Variants in PDZD2 observed in about 807,000 individuals in gnomAD.
PDZD2 encodes the protein PDZ domain containing 2.
Under a neutral mutation model 220.7 loss-of-function variants are expected in PDZD2, and 90 were observed. The observed-to-expected ratio is 0.41, with a 90% CI of 0.34 to 0.49. The LOEUF (loss-of-function observed/expected upper bound fraction) is 0.49. Among genes scored for constraint, PDZD2 ranks in the 20% least tolerant of loss-of-function variants. The pLI, the probability that PDZD2 is intolerant of heterozygous loss-of-function variation, is 0.28. For missense variants in PDZD2, 3,174 were observed against 3,608.5 expected, an observed-to-expected ratio of 0.88 and a Z score of 3.08; for synonymous variants, 1,375 against 1,450.5, an observed-to-expected ratio of 0.95 and a Z score of 1.18.
At chr5:31,701,174 G>T (rs1747592355) in intron 1 of PDZD2, among the ~76,000 whole-genome samples, 1 of 150,784 alleles carries the variant, frequency 6.6e-6, no homozygotes, top group Non-Finnish European at 1.5e-5. Flanking sequence ...ATTTTATATG[G>T]AAAGGGGGCA....
intron 19 of PDZD2, among the ~76,000 whole-genome samples, chr5:32,078,897 A>C (rs1009441165): frequency 1.3e-5 from 2 of 152,024 alleles, no homozygotes; most frequent in African/African-American, 4.8e-5. Context: ...ATTGTAAAAC[A>C]TGATTTTTAA....
At chr5:31,941,721 G>A (rs1413707947) in intron 2 of PDZD2, among the ~76,000 whole-genome samples, 4 of 152,348 alleles carry the variant, frequency 2.6e-5, no homozygotes, top group African/African-American at 7.2e-5. Context: ...TCATACTGCT[G>A]AGACATTAGA....
intron 2 of PDZD2, among the ~76,000 whole-genome samples, chr5:31,982,882 C>T (rs534662664): frequency 6.6e-5 from 10 of 152,264 alleles, no homozygotes; most frequent in African/African-American, 2.4e-4. Flanking sequence ...CTAGAAAAAT[C>T]CTTCTCCAAC....
intron 2 of PDZD2, among the ~76,000 whole-genome samples, chr5:31,854,691 G>C (rs1316157353): frequency 6.6e-6 from 1 of 152,142 alleles, no homozygotes; most frequent in Non-Finnish European, 1.5e-5. Context: ...TTTGCCCCAG[G>C]AAGCTCCTGA....
chr5:32,016,599 G>A (rs556566349), intron 6 of PDZD2, among the ~76,000 whole-genome samples: 167 of 152,250 alleles, frequency 1.1e-3, no homozygotes, highest in African/African-American at 3.9e-3. Context: ...AGGATAGAGG[G>A]TTACCACTTA....
intron 7 of PDZD2, among the ~76,000 whole-genome samples, chr5:32,044,146 C>T (rs1422435216): frequency 3.3e-5 from 5 of 151,662 alleles, no homozygotes; most frequent in Admixed American, 6.6e-5. Flanking sequence ...CTGGCCAACA[C>T]GGTGAAACCT....
chr5:31,812,960 G>A (rs1755211595), intron 2 of PDZD2, among the ~76,000 whole-genome samples: 1 of 152,178 alleles, frequency 6.6e-6, no homozygotes, highest in Non-Finnish European at 1.5e-5. Context: ...GCTACCATGT[G>A]CTAGTTATGA....
At chr5:31,928,940 G>C (rs1485605385) in intron 2 of PDZD2, among the ~76,000 whole-genome samples, 1 of 152,006 alleles carries the variant, frequency 6.6e-6, no homozygotes, top group Non-Finnish European at 1.5e-5. Flanking sequence ...TGAGAGTTTT[G>C]CCCTATTTTT....
At chr5:31,772,360 A>G (rs998515879) in intron 1 of PDZD2, among the ~76,000 whole-genome samples, 13 of 152,170 alleles carry the variant, frequency 8.5e-5, no homozygotes, top group African/African-American at 2.9e-4. Context: ...ATTAGCTTAG[A>G]CTGTGTGGTC....
intron 14 of PDZD2, among the ~76,000 whole-genome samples, chr5:32,067,275 CTTATG>C (rs1740301050): frequency 6.6e-6 from 1 of 152,142 alleles, no homozygotes; most frequent in Non-Finnish European, 1.5e-5. Context: ...CAGCTTCTAA[CTTATG>C]TTAAGTGGAA....
At chr5:31,976,032 A>G (rs1461696212) in intron 2 of PDZD2, among the ~76,000 whole-genome samples, 1 of 151,766 alleles carries the variant, frequency 6.6e-6, no homozygotes, top group African/African-American at 2.4e-5. Context: ...CTCTTACTAG[A>G]CAGTATTCAG....
At position 32,041,129 on chromosome 5, in the gene PDZD2, G is replaced by A. The variant is rs556949186; in HGVS notation, c.1519+3787G>A. Among the ~76,000 whole-genome samples the A allele has an allele frequency of 6.2e-4, 76 of 123,348 alleles. 8 individuals carry two copies. The highest frequency in any genetic ancestry group is 3.1e-3 in the South Asian group (11 of 3,522). The allele number at this position is 123,348 out of a possible 152,430, so 80.9% of individuals were successfully genotyped here. On this transcript the variant is annotated intron_variant, in intron 7 of 24. Coordinates refer to ENST00000438447, the MANE Select transcript of PDZD2 (RefSeq NM_178140.4). ...GGGAGCGCCTCTGCCCGGCCGCCCC[G>A]TCTGGGAAGTGGGGAGCGCCTCTGC... is the stretch of plus-strand genomic sequence containing the variant.
At chr5:31,958,271 T>G (rs1311245319) in intron 2 of PDZD2, among the ~76,000 whole-genome samples, 1 of 133,870 alleles carries the variant, frequency 7.5e-6, no homozygotes, top group African/African-American at 2.8e-5. Context: ...TTTTTTTTTT[T>G]GAGACGGAGT....
chr5:31,771,580 T>C (rs1037532075), intron 1 of PDZD2, among the ~76,000 whole-genome samples: 2 of 151,878 alleles, frequency 1.3e-5, no homozygotes, highest in African/African-American at 4.8e-5. Flanking sequence ...GAACAGGAGG[T>C]CTAACTCAAA....
intron 2 of PDZD2, among the ~76,000 whole-genome samples, chr5:31,865,930 CT>C (rs35867918): frequency 0.058 from 8,219 of 142,514 alleles, 228 homozygotes; most frequent in African/African-American, 0.072. Flanking sequence ...CGCACCTGCC[CT>C]TTTTTTTTTT....
intron 1 of PDZD2, among the ~76,000 whole-genome samples, chr5:31,792,429 T>C (rs2150221998): frequency 6.6e-6 from 1 of 152,324 alleles, no homozygotes; most frequent in East Asian, 1.9e-4. Context: ...TGTTTTGTTT[T>C]GTTTTTTTAG....
At chr5:31,662,852 G>A (rs1035161614) in intron 1 of PDZD2, among the ~76,000 whole-genome samples, 5 of 152,248 alleles carry the variant, frequency 3.3e-5, no homozygotes, top group East Asian at 1.9e-4. Flanking sequence ...GGATGGTCTT[G>A]ATCTCCTGAC....
At chr5:32,002,551 G>C (rs1323668785) in intron 5 of PDZD2, among the ~76,000 whole-genome samples, 1 of 151,560 alleles carries the variant, frequency 6.6e-6, no homozygotes, top group Non-Finnish European at 1.5e-5. Context: ...GAGCCTGAAA[G>C]CATCTTTGGG....
chr5:31,690,466 G>A (rs1210093157), intron 1 of PDZD2, among the ~76,000 whole-genome samples: 10 of 152,168 alleles, frequency 6.6e-5, no homozygotes, highest in African/African-American at 2.4e-4. Flanking sequence ...TCAACCAACA[G>A]ACATCTGTTT....
Sources: gnomAD v4.1 joint callset for allele counts (sites outside exome capture counted in the v4.1 genomes callset) on GRCh38, gnomAD v4.1.1 for gene constraint, MANE v1.5 for transcripts, NCBI Gene and HGNC (gene_info 2026-07-23, HGNC 2026-07-21) for gene names.